The following KAZN variants were observed in gnomAD, a reference collection of about 807,000 sequenced individuals.
The protein encoded by KAZN is kazrin.
KAZN carries 40 observed loss-of-function variants against 87.4 expected under a neutral mutation model. The observed-to-expected ratio is 0.46, with a 90% CI of 0.36 to 0.60. The LOEUF (loss-of-function observed/expected upper bound fraction) is 0.60. Among genes scored for constraint, KAZN ranks in the 20% least tolerant of loss-of-function variants. KAZN has a pLI of 0.00. For missense variants in KAZN, 898 were observed against 1,073.9 expected (o/e 0.84, Z 2.29); for synonymous variants, 466 against 458.3 (o/e 1.02, Z -0.22).
At chr1:14,892,707 T>A (rs1654844756) in intron 1 of KAZN, among the ~76,000 whole-genome samples, 1 of 152,270 alleles carries the variant, frequency 6.6e-6, no homozygotes, top group South Asian at 2.1e-4. Flanking sequence ...TAGGGGTGTG[T>A]GTTCATGTCC....
rs115576120 is a variant in KAZN at position 14,261,422 on chromosome 1, C to T, written c.249+80830C>T. On this transcript the variant is annotated intron_variant, in intron 2 of 16. Coordinates refer to the KAZN transcript ENST00000636203. ...AGTTTCCAGGACTCGGGTTAAGATA[C>T]GCTGGGTCCTCAGGATGGAGCTGAA... Among the ~76,000 whole-genome samples, 610 of 152,230 alleles carry T rather than the reference C, an allele frequency of 4.0e-3. 2 individuals are homozygous for T. The highest frequency in any genetic ancestry group is 6.7e-3 in the Admixed American group (102 of 15,296).
chr1:15,025,845 G>C lies in KAZN; in HGVS notation c.419-8904G>C, dbSNP rs1450496161. Among the ~76,000 whole-genome samples the C allele has an allele frequency of 2.6e-5, 4 of 152,322 alleles. No individual in the cohort carries two copies. In the East Asian group the frequency reaches 7.7e-4, roughly 29 times the overall value. On this transcript the variant is annotated intron_variant, in intron 2 of 14. Coordinates refer to ENST00000376030, the MANE Select transcript of KAZN (RefSeq NM_201628.3). ...AAATTAACATTGTGGGGAGCAGACT[G>C]GGCGCAGTGGCTCAGGCCTGTAATC...
intron 2 of KAZN, among the ~76,000 whole-genome samples, chr1:14,525,465 G>A (rs1322721746): frequency 6.6e-6 from 1 of 152,228 alleles, no homozygotes; most frequent in Non-Finnish European, 1.5e-5. Flanking sequence ...AAATGAGCAT[G>A]CTTGTGTTCC....
intron 1 of KAZN, among the ~76,000 whole-genome samples, chr1:14,699,338 T>C (rs903085474): frequency 6.6e-6 from 1 of 152,240 alleles, no homozygotes; most frequent in Non-Finnish European, 1.5e-5. Flanking sequence ...CCCATGGAGA[T>C]AGGTTTTTCC....
At chr1:14,228,648 T>C (rs995682530) in intron 2 of KAZN, among the ~76,000 whole-genome samples, 3 of 152,206 alleles carry the variant, frequency 2.0e-5, no homozygotes, top group Non-Finnish European at 4.4e-5. Context: ...TCCCAGACTC[T>C]GGGAGAAGAT....
intron 1 of KAZN, among the ~76,000 whole-genome samples, chr1:14,134,528 G>A (rs1645062617): frequency 6.6e-6 from 1 of 152,182 alleles, no homozygotes; most frequent in African/African-American, 2.4e-5. Flanking sequence ...GGCCATACAG[G>A]CTGACTCCAG....
At chr1:14,733,795 T>C (rs1643792028) in intron 1 of KAZN, among the ~76,000 whole-genome samples, 1 of 152,164 alleles carries the variant, frequency 6.6e-6, no homozygotes, top group South Asian at 2.1e-4. Context: ...CTGCGAGCTG[T>C]TTGGGAGCTA....
chr1:13,906,811 T>C (rs1236319849), intron 1 of KAZN, among the ~76,000 whole-genome samples: 2 of 152,168 alleles, frequency 1.3e-5, no homozygotes, highest in Non-Finnish European at 2.9e-5. Context: ...CACAGCATGC[T>C]ATGCTGCAGA....
chr1:13,979,012 C>T (rs919317827), intron 1 of KAZN, among the ~76,000 whole-genome samples: 1 of 151,782 alleles, frequency 6.6e-6, no homozygotes, highest in Non-Finnish European at 1.5e-5. Context: ...GGGAGGACTG[C>T]TTGAGCCTGG....
At chr1:14,366,065 C>T (rs929645684) in intron 2 of KAZN, among the ~76,000 whole-genome samples, 3 of 152,168 alleles carry the variant, frequency 2.0e-5, no homozygotes, top group East Asian at 1.9e-4. Context: ...AAAGGAAAAT[C>T]GATTTCTCCA....
rs12568309 is a variant in KAZN at position 14,163,595 on chromosome 1, G to T, written c.92-16840G>T. The stretch of plus-strand genomic sequence containing the variant: ...CCTGAGATCTTATTTGAAAACTGCT[G>T]ATCACCAGCTTCAGGTGTTTTCTAT... On this transcript the variant is annotated intron_variant, in intron 1 of 16. Coordinates refer to the KAZN transcript ENST00000636203. Among the ~76,000 whole-genome samples the T allele has an allele frequency of 5.0e-3, 763 of 152,268 alleles. 13 individuals are homozygous for T. In the East Asian group the frequency reaches 0.056, roughly 11 times the overall value.
chr1:14,389,741 G>C (rs1287822537), intron 2 of KAZN, among the ~76,000 whole-genome samples: 1 of 152,164 alleles, frequency 6.6e-6, no homozygotes, highest in Non-Finnish European at 1.5e-5. Flanking sequence ...GGTAGGGAGT[G>C]GGGATGGATA....
intron 1 of KAZN, among the ~76,000 whole-genome samples, chr1:13,946,910 T>C (rs1024447650): frequency 6.6e-6 from 1 of 152,202 alleles, no homozygotes; most frequent in Non-Finnish European, 1.5e-5. Context: ...CATTCTTTCA[T>C]GGTTCTGGAA....
At chr1:15,064,820 C>T (rs369282152) in intron 7 of KAZN, among the ~76,000 whole-genome samples, 1 of 152,226 alleles carries the variant, frequency 6.6e-6, no homozygotes, top group East Asian at 1.9e-4. Context: ...CCTGTGGCCA[C>T]CCTTCCTCCC....
intron 2 of KAZN, among the ~76,000 whole-genome samples, chr1:14,995,995 G>A (rs963973727): frequency 1.3e-5 from 2 of 152,128 alleles, no homozygotes; most frequent in African/African-American, 4.8e-5. Context: ...ACAGTCAGCT[G>A]GACCCAAGGG....
intron 1 of KAZN, among the ~76,000 whole-genome samples, chr1:14,882,448 G>A (rs1381803602): frequency 7.9e-5 from 12 of 152,184 alleles, no homozygotes; most frequent in Admixed American, 7.9e-4. Flanking sequence ...CTTGTCTGTA[G>A]TAGGGGGACT....
intron 1 of KAZN, among the ~76,000 whole-genome samples, chr1:13,965,776 T>A (rs1003611724): frequency 6.6e-6 from 1 of 152,186 alleles, no homozygotes; most frequent in African/African-American, 2.4e-5. Context: ...AAGTCTAGTG[T>A]CTTCTCATAA....
intron 2 of KAZN, among the ~76,000 whole-genome samples, chr1:14,217,966 G>A (rs1183177039): frequency 6.6e-6 from 1 of 152,096 alleles, no homozygotes; most frequent in Non-Finnish European, 1.5e-5. Flanking sequence ...AAGGGCTCAG[G>A]CAAACTCAAT....
At chr1:14,713,854 G>A (rs1182671104) in intron 1 of KAZN, among the ~76,000 whole-genome samples, 6 of 151,594 alleles carry the variant, frequency 4.0e-5, no homozygotes, top group Non-Finnish European at 8.8e-5. Context: ...TGTTTGAGGG[G>A]CCGAGCGGGG....
Sources: allele counts gnomAD v4.1 joint callset (sites outside exome capture counted in the v4.1 genomes callset), GRCh38; gene constraint gnomAD v4.1.1; transcripts MANE v1.5; gene names NCBI Gene and HGNC (gene_info 2026-07-23, HGNC 2026-07-21).